XCR1: variants seen among roughly 807,000 people sequenced by gnomAD.
The protein encoded by XCR1 is chemokine XC receptor 1.
For synonymous variants in XCR1, 187 were observed against 188.5 expected (o/e 0.99, Z 0.06); for missense variants, 356 against 424.2 (o/e 0.84, Z 1.41).
At chr3:46,032,001 T>G (rs985883563), upstream of XCR1, among the ~76,000 whole-genome samples, 4 of 152,258 alleles carry the variant, frequency 2.6e-5, no homozygotes, top group African/African-American at 9.6e-5. Context: ...AAAGGAGCTA[T>G]GCACTGTGAG....
chr3:46,051,867 A>C (rs541360418), intron 5 of XCR1, among the ~76,000 whole-genome samples: 1 of 152,278 alleles, frequency 6.6e-6, no homozygotes, highest in East Asian at 1.9e-4. Context: ...TCTACTAAAA[A>C]TACAAAAAAT....
At chr3:46,084,293 A>T (rs1317384478) in intron 1 of XCR1, among the ~76,000 whole-genome samples, 1 of 152,184 alleles carries the variant, frequency 6.6e-6, no homozygotes, top group Non-Finnish European at 1.5e-5. Flanking sequence ...TGAGGAGAAA[A>T]ATTTGTGATC....
At chr3:46,085,395 C>G (rs1282949295) in intron 1 of XCR1, among the ~76,000 whole-genome samples, 2 of 152,186 alleles carry the variant, frequency 1.3e-5, no homozygotes, top group East Asian at 1.9e-4. Context: ...TTATTCCTAA[C>G]CAGCCTCTTG....
intron 3 of XCR1, among the ~76,000 whole-genome samples, chr3:46,071,829 A>G (rs187295690): frequency 1.3e-5 from 2 of 152,266 alleles, no homozygotes; most frequent in South Asian, 2.1e-4. Flanking sequence ...AAAGCCCCAT[A>G]TATGACAAAC....
chr3:46,022,790 G>T (rs1708183861), intron 1 of XCR1, among the ~76,000 whole-genome samples: 1 of 152,060 alleles, frequency 6.6e-6, no homozygotes, highest in Non-Finnish European at 1.5e-5. Context: ...CAATGTTTAG[G>T]ACACAATCCA....
intron 5 of XCR1, among the ~76,000 whole-genome samples, chr3:46,053,464 A>T (rs1295186795): frequency 6.6e-6 from 1 of 151,898 alleles, no homozygotes; most frequent in Non-Finnish European, 1.5e-5. Flanking sequence ...GCCAATTTTT[A>T]TCCTCCCTCT....
chr3:46,032,575 A>G (rs1708417525), intron 5 of XCR1, among the ~76,000 whole-genome samples: 1 of 152,228 alleles, frequency 6.6e-6, no homozygotes, highest in Non-Finnish European at 1.5e-5. Flanking sequence ...TGAGCAGGAT[A>G]AGCCCAGTGG....
chr3:46,064,730 C>T (rs993671719), intron 4 of XCR1, among the ~76,000 whole-genome samples: 1 of 152,204 alleles, frequency 6.6e-6, no homozygotes, highest in Non-Finnish European at 1.5e-5. Context: ...GCTCTCCAGC[C>T]TTCTCTGCTC....
intron 2 of XCR1, among the ~76,000 whole-genome samples, chr3:46,075,028 G>T (rs1339653155): frequency 6.6e-6 from 1 of 152,018 alleles, no homozygotes; most frequent in Non-Finnish European, 1.5e-5. Context: ...AGTTTAACTG[G>T]AAACTATTTC....
rs1377358310 is a variant in XCR1, at chr3:46,021,541, G to A, written c.407C>T (p.Ser136Phe). ...GCGGAGGGTGGGGACGCGCAGGGTGGAGAGGGGGCTCACTACCGACAGGTA... is the reference window on the plus strand; with the variant it reads ...GCGGAGGGTGGGGACGCGCAGGGTGAAGAGGGGGCTCACTACCGACAGGTA... ...HRYLSVVSPL[S>F]TLRVPTLRCR... The change falls in exon 2 of 2, where the codon TCC (serine) becomes TTC (phenylalanine). Residue 136 changes from serine to phenylalanine, a missense_variant. Physicochemically the swap from Ser to Phe is radical, Grantham distance 155 (BLOSUM62 -2). Transcript: ENST00000309285. This position sits in a 1 kb window ranked among gnomAD's most constrained non-coding sequence, Gnocchi z 4.7. 3 of 1,611,076 alleles carry A rather than the reference G, an allele frequency of 1.9e-6. No homozygotes were observed. The East Asian group carries it at 6.7e-5, about 36-fold the overall frequency.
chr3:46,026,105 G>A (rs1201071293), intron 1 of XCR1, among the ~76,000 whole-genome samples: 1 of 152,048 alleles, frequency 6.6e-6, no homozygotes, highest in Non-Finnish European at 1.5e-5. Context: ...AAAAGCATTT[G>A]ACAAAGCTCA....
intron 5 of XCR1, among the ~76,000 whole-genome samples, chr3:46,041,385 G>C (rs1007146304): frequency 1.3e-5 from 2 of 152,142 alleles, no homozygotes; most frequent in Non-Finnish European, 2.9e-5. Flanking sequence ...AGCTTATTTT[G>C]CTGGTAAATT....
intron 2 of XCR1, among the ~76,000 whole-genome samples, chr3:46,076,577 GAAAAAAA>G (rs3053293): frequency 7.4e-6 from 1 of 135,814 alleles, no homozygotes; most frequent in African/African-American, 2.6e-5. Context: ...CCATTATTTT[GAAAAAAA>G]AAAAAAAAAT....
At chr3:46,050,789 G>A (rs1697726389) in intron 5 of XCR1, among the ~76,000 whole-genome samples, 1 of 152,154 alleles carries the variant, frequency 6.6e-6, no homozygotes. Context: ...CTATCCTTAA[G>A]ATCTATAATT....
chr3:46,055,146 T>C (rs896268677), intron 4 of XCR1, among the ~76,000 whole-genome samples: 5 of 152,198 alleles, frequency 3.3e-5, no homozygotes, highest in African/African-American at 1.2e-4. Context: ...GAAATACATA[T>C]AATGAAGCAT....
At chr3:46,038,504 G>T (rs1378194171) in intron 5 of XCR1, among the ~76,000 whole-genome samples, 3 of 152,036 alleles carry the variant, frequency 2.0e-5, no homozygotes, top group Admixed American at 6.6e-5. Flanking sequence ...GTTTGCAATT[G>T]AAGGCTTTTA....
chr3:46,024,286 T>C (rs1708242294), intron 1 of XCR1: 3 of 296,920 alleles, frequency 1.0e-5, no homozygotes, highest in Non-Finnish European at 1.9e-5. Context: ...TGTTTCATCA[T>C]CTGGTGGACT....
Position 46,020,839 on chromosome 3 carries a change from G to A in XCR1, c.*107C>T, listed in dbSNP as rs1708124417. 11 of 1,410,872 alleles carry A rather than the reference G, an allele frequency of 7.8e-6. No homozygotes were observed. Among genetic ancestry groups the A allele is most frequent in the South Asian group, 3.0e-5 (2 of 67,754 alleles). The allele number at this position is 1,410,872 out of a possible 1,614,324, so 87.4% of individuals were successfully genotyped here. On this transcript the variant is annotated 3_prime_UTR_variant, in exon 2 of 2. Coordinates refer to ENST00000309285, the MANE Select transcript of XCR1 (RefSeq NM_001024644.2). ...ACTGCACGCCTGCAGCGGAGGAGAC[G>A]TCTCCACCCTGCTGTGTTCTGCAAT...
intron 5 of XCR1, among the ~76,000 whole-genome samples, chr3:46,052,700 T>A (rs953653690): frequency 9.2e-5 from 14 of 152,218 alleles, no homozygotes; most frequent in African/African-American, 3.4e-4. Flanking sequence ...ATTTCCCAAG[T>A]TCTTTGTACA....
Sources: allele counts gnomAD v4.1 joint callset (sites outside exome capture counted in the v4.1 genomes callset), GRCh38; gene constraint gnomAD v4.1.1; non-coding constraint Gnocchi (gnomAD v3.1); transcripts MANE v1.5; gene names NCBI Gene and HGNC (gene_info 2026-07-23, HGNC 2026-07-21).